SGCZ: variants seen among roughly 807,000 people sequenced by gnomAD.
SGCZ encodes the protein sarcoglycan zeta, also known as zeta-sarcoglycan.
Under a neutral mutation model 41.3 loss-of-function variants are expected in SGCZ, and 40 were observed. That is an observed-to-expected ratio of 0.97 (90% CI 0.75 to 1.26). SGCZ has a LOEUF of 1.26. Among genes scored for constraint, SGCZ ranks in the 50% most tolerant of loss-of-function variants. The pLI, the probability that SGCZ is intolerant of heterozygous loss-of-function variation, is 0.00. For missense variants in SGCZ, 552 were observed against 369.8 expected, an observed-to-expected ratio of 1.49 and a Z score of -4.04; for synonymous variants, 206 against 137.5, an observed-to-expected ratio of 1.50 and a Z score of -3.49.
intron 1 of SGCZ, among the ~76,000 whole-genome samples, chr8:15,201,803 G>A (rs1394182436): frequency 6.6e-6 from 1 of 152,144 alleles, no homozygotes; most frequent in African/African-American, 2.4e-5. Context: ...GATATGTGGA[G>A]CATTTTTTTC....
chr8:15,091,092 C>T (rs1249192973), intron 1 of SGCZ, among the ~76,000 whole-genome samples: 1 of 152,198 alleles, frequency 6.6e-6, no homozygotes, highest in African/African-American at 2.4e-5. Flanking sequence ...TTACCACAGA[C>T]ATACTTGAAC....
chr8:15,093,432 A>G (rs1806223398), intron 1 of SGCZ, among the ~76,000 whole-genome samples: 1 of 152,188 alleles, frequency 6.6e-6, no homozygotes, highest in Non-Finnish European at 1.5e-5. Context: ...CAATATTCAT[A>G]TTTTTGTAGT....
rs142314868 is a variant in SGCZ, at chr8:14,489,866, C to CATTTTTTTTTTTTTTTTT, written c.234+64865_234+64866insAAAAAAAAAAAAAAAAAT. 1.0e-4 allele frequency among the ~76,000 whole-genome samples: 14 copies of CATTTTTTTTTTTTTTTTT among 137,480 alleles called. 2 individuals are homozygous for CATTTTTTTTTTTTTTTTT. Among genetic ancestry groups the CATTTTTTTTTTTTTTTTT allele is most frequent in the African/African-American group, 1.4e-4 (5 of 35,030 alleles). The allele number at this position is 137,480 out of a possible 152,430, so 90.2% of individuals were successfully genotyped here. A position where few individuals can be genotyped will look rare whatever the true frequency, so the allele number is the denominator to read the frequency against. ...ACTGGCTCGCCGAAAAATTCTCCTA[C>CATTTTTTTTTTTTTTTTT]CTTTTTTTTTTTTTTCCTGAGATGG... On this transcript the variant is annotated intron_variant, in intron 2 of 7. Coordinates refer to ENST00000382080, the MANE Select transcript of SGCZ (RefSeq NM_139167.4).
Position 14,237,486 on chromosome 8 carries a change from AC to A in SGCZ, c.424+105del. Reference sequence around the variant, plus strand: ...TGACAGAGTGAGACTCTGTCTCAAAACAACAACAACAACAACAACAACGACA... The same window carrying A: ...TGACAGAGTGAGACTCTGTCTCAAAAAACAACAACAACAACAACAACGACA... On this transcript the variant is annotated intron_variant, in intron 4 of 7. Transcript: ENST00000382080. 4 of 952,224 alleles carry A rather than the reference AC, an allele frequency of 4.2e-6. No homozygotes were observed. The African/African-American group carries it at 7.2e-5, about 17-fold the overall frequency. 59.0% of individuals were successfully genotyped at this position (952,224 alleles called of 1,614,324 possible). A position where few individuals can be genotyped will look rare whatever the true frequency, so the allele number is the denominator to read the frequency against.
At chr8:14,742,067 G>C (rs1449489607) in intron 1 of SGCZ, among the ~76,000 whole-genome samples, 1 of 151,906 alleles carries the variant, frequency 6.6e-6, no homozygotes, top group Non-Finnish European at 1.5e-5. Flanking sequence ...CTGGAGTATA[G>C]TACTGATTTA....
intron 1 of SGCZ, among the ~76,000 whole-genome samples, chr8:15,113,466 G>T (rs1459655473): frequency 6.6e-6 from 1 of 152,042 alleles, no homozygotes; most frequent in Non-Finnish European, 1.5e-5. Context: ...AATGTCATTT[G>T]TTTTCTCTTT....
At chr8:14,396,293 T>C (rs1162255494) in intron 2 of SGCZ, among the ~76,000 whole-genome samples, 1 of 152,184 alleles carries the variant, frequency 6.6e-6, no homozygotes, top group Non-Finnish European at 1.5e-5. Flanking sequence ...GCCAAAAAAT[T>C]GTATATTCTT....
intron 2 of SGCZ, among the ~76,000 whole-genome samples, chr8:14,390,993 T>A (rs762442273): frequency 3.9e-5 from 6 of 151,932 alleles, no homozygotes; most frequent in Non-Finnish European, 8.8e-5. Flanking sequence ...GCATAGCAAA[T>A]AAAATAAACT....
intron 1 of SGCZ, among the ~76,000 whole-genome samples, chr8:14,959,991 T>C (rs1800913047): frequency 6.6e-6 from 1 of 152,172 alleles, no homozygotes; most frequent in African/African-American, 2.4e-5. Flanking sequence ...TCAGAGCTCG[T>C]GCTGCCATTT....
At chr8:14,134,906 A>G (rs1803151405) in intron 5 of SGCZ, among the ~76,000 whole-genome samples, 1 of 152,240 alleles carries the variant, frequency 6.6e-6, no homozygotes, top group Non-Finnish European at 1.5e-5. Context: ...GTTCATGATG[A>G]GAATGTTAAA....
intron 4 of SGCZ, among the ~76,000 whole-genome samples, chr8:14,195,903 AG>A (rs1359072205): frequency 1.3e-5 from 2 of 152,290 alleles, no homozygotes; most frequent in East Asian, 3.9e-4. Flanking sequence ...GGAATGTTAA[AG>A]GAAGTTTTTC....
chr8:14,107,720 C>A lies in SGCZ; in HGVS notation c.620+443G>T, dbSNP rs898725445. ...GCGGCATGATCATATCTCACTGCAGCCACGACCTCCTGGGCTCAAGCAATC... is the reference window on the plus strand; with the variant it reads ...GCGGCATGATCATATCTCACTGCAGACACGACCTCCTGGGCTCAAGCAATC... On this transcript the variant is annotated intron_variant, in intron 6 of 7. Transcript: ENST00000382080. Among the ~76,000 whole-genome samples the A allele has an allele frequency of 1.3e-5, 2 of 152,116 alleles. 1 individual carries two copies. The highest frequency in any genetic ancestry group is 4.1e-4 in the South Asian group (2 of 4,824).
chr8:14,211,773 C>A (rs146885407), intron 4 of SGCZ, among the ~76,000 whole-genome samples: 1 of 152,134 alleles, frequency 6.6e-6, no homozygotes, highest in Non-Finnish European at 1.5e-5. Flanking sequence ...AATCCAATCA[C>A]CTCCCACCAG....
intron 1 of SGCZ, among the ~76,000 whole-genome samples, chr8:15,196,127 G>A (rs1168182576): frequency 1.5e-5 from 2 of 134,036 alleles, no homozygotes; most frequent in Admixed American, 7.3e-5. Flanking sequence ...TCGATCTCCT[G>A]ACCTCGTGAT....
intron 4 of SGCZ, among the ~76,000 whole-genome samples, chr8:14,209,411 C>G (rs1805723633): frequency 6.6e-6 from 1 of 152,000 alleles, no homozygotes; most frequent in South Asian, 2.1e-4. Flanking sequence ...CCTTAATTTT[C>G]TTGGTGTGAG....
chr8:15,188,880 T>C, intron 1 of SGCZ, among the ~76,000 whole-genome samples: 1 of 151,918 alleles, frequency 6.6e-6, no homozygotes, highest in African/African-American at 2.4e-5. Flanking sequence ...GAAAAGAGTG[T>C]GGGAGGAAAA....
chr8:14,192,512 A>G (rs1057400297), intron 4 of SGCZ, among the ~76,000 whole-genome samples: 1 of 151,886 alleles, frequency 6.6e-6, no homozygotes, highest in African/African-American at 2.4e-5. Flanking sequence ...TATAAAACTT[A>G]CCCATACAAT....
intron 2 of SGCZ, among the ~76,000 whole-genome samples, chr8:14,362,524 G>A (rs1024885450): frequency 1.3e-5 from 2 of 152,206 alleles, no homozygotes; most frequent in African/African-American, 4.8e-5. Context: ...GAATCTCCTG[G>A]TTTGCTGGTT....
chr8:14,200,916 C>A (rs1400639756), intron 4 of SGCZ, among the ~76,000 whole-genome samples: 6 of 152,070 alleles, frequency 3.9e-5, no homozygotes, highest in Non-Finnish European at 8.8e-5. Flanking sequence ...GGCCTCAAAG[C>A]ATATACAGAG....
Sources: gnomAD v4.1 joint callset for allele counts (sites outside exome capture counted in the v4.1 genomes callset) on GRCh38, gnomAD v4.1.1 for gene constraint, MANE v1.5 for transcripts, NCBI Gene and HGNC (gene_info 2026-07-23, HGNC 2026-07-21) for gene names.